Variants in MED27 observed in about 807,000 individuals in gnomAD.
MED27 encodes the protein mediator complex subunit 27.
A neutral mutation model predicts 38.2 loss-of-function variants in MED27; 30 were observed. That is an observed-to-expected ratio of 0.79 (90% CI 0.59 to 1.07). The LOEUF is 1.07. MED27 is among the 50% of genes least tolerant of loss of function. The probability of loss-of-function intolerance (pLI) is 0.00; values close to 1 mark genes in which losing one functional copy is unlikely to be tolerated. For synonymous variants in MED27, 122 were observed against 153.5 expected, an observed-to-expected ratio of 0.79 and a Z score of 1.52; for missense variants, 289 against 397.5, an observed-to-expected ratio of 0.73 and a Z score of 2.32.
intron 2 of MED27, among the ~76,000 whole-genome samples, chr9:132,060,367 T>G (rs768838452): frequency 7.2e-5 from 11 of 152,194 alleles, no homozygotes; most frequent in African/African-American, 1.9e-4. Context: ...GCCAGCTCCA[T>G]GTACACCTGT....
intron 4 of MED27, among the ~76,000 whole-genome samples, chr9:131,904,683 T>A (rs904512524): frequency 2.0e-5 from 3 of 152,152 alleles, no homozygotes; most frequent in Non-Finnish European, 4.4e-5. Context: ...ATGAGGTAGC[T>A]TATTCCACTC....
chr9:131,983,321 C>T (rs1831780414), intron 3 of MED27, among the ~76,000 whole-genome samples: 1 of 152,216 alleles, frequency 6.6e-6, no homozygotes, highest in African/African-American at 2.4e-5. Flanking sequence ...AAGAACACCA[C>T]ACTTTAGAAG....
chr9:132,034,685 C>T (rs955667215), intron 2 of MED27, among the ~76,000 whole-genome samples: 3 of 152,160 alleles, frequency 2.0e-5, no homozygotes, highest in Non-Finnish European at 4.4e-5. Context: ...CAGGGACAGC[C>T]CCTTCCCTGG....
chr9:131,941,174 A>G (rs1830779056), intron 3 of MED27, among the ~76,000 whole-genome samples: 1 of 152,264 alleles, frequency 6.6e-6, no homozygotes, highest in African/African-American at 2.4e-5. Flanking sequence ...AAGAGGATGT[A>G]TAATATAATA....
intron 5 of MED27, among the ~76,000 whole-genome samples, chr9:131,890,924 G>C (rs576542317): frequency 6.6e-6 from 1 of 152,358 alleles, no homozygotes; most frequent in Non-Finnish European, 1.5e-5. Context: ...AGTATTGTTA[G>C]TATTTTTATT....
intron 2 of MED27, among the ~76,000 whole-genome samples, chr9:132,025,140 T>C (rs769076161): frequency 3.2e-4 from 49 of 150,858 alleles, no homozygotes; most frequent in Non-Finnish European, 4.3e-4. Flanking sequence ...ATATTAACAA[T>C]GGGCATGTTT....
At chr9:131,993,207 G>T (rs1449460649) in intron 3 of MED27, among the ~76,000 whole-genome samples, 1 of 150,792 alleles carries the variant, frequency 6.6e-6, no homozygotes, top group African/African-American at 2.4e-5. Context: ...TAACACCATA[G>T]TTTAACATCA....
intron 2 of MED27, among the ~76,000 whole-genome samples, chr9:132,077,151 G>A (rs1834069323): frequency 6.6e-6 from 1 of 152,154 alleles, no homozygotes; most frequent in African/African-American, 2.4e-5. Context: ...ACAACATACT[G>A]CATATAATTT....
chr9:132,057,517 G>A (rs749170057), intron 2 of MED27, among the ~76,000 whole-genome samples: 1 of 152,206 alleles, frequency 6.6e-6, no homozygotes, highest in African/African-American at 2.4e-5. Flanking sequence ...TGCATATGGT[G>A]TTTAAATATT....
chr9:131,915,400 A>T (rs1589209942), intron 4 of MED27, among the ~76,000 whole-genome samples: 1 of 152,364 alleles, frequency 6.6e-6, no homozygotes, highest in Non-Finnish European at 1.5e-5. Flanking sequence ...AGCATGATCA[A>T]TAATGAGTCA....
At position 132,023,784 on chromosome 9, in the gene MED27, T is replaced by C. The variant is rs541677182; in HGVS notation, c.349-9317A>G. On this transcript the variant is annotated intron_variant, in intron 2 of 7. Coordinates refer to ENST00000292035, the MANE Select transcript of MED27 (RefSeq NM_004269.4). Reference sequence around the variant, plus strand: ...TATAATCACTGACTGGAAAAAGATATATGATGATGATGTCAGAAAAACAAA... The same window carrying C: ...TATAATCACTGACTGGAAAAAGATACATGATGATGATGTCAGAAAAACAAA... Among the ~76,000 whole-genome samples the C allele has an allele frequency of 1.5e-3, 223 of 152,160 alleles. 1 individual carries two copies. Among genetic ancestry groups the C allele is most frequent in the African/African-American group, 5.2e-3 (217 of 41,490 alleles).
At chr9:131,885,126 G>A (rs1016401456) in intron 5 of MED27, among the ~76,000 whole-genome samples, 1 of 152,158 alleles carries the variant, frequency 6.6e-6, no homozygotes, top group Non-Finnish European at 1.5e-5. Flanking sequence ...AGGAAAGCTG[G>A]CAGCATCCAG....
At chr9:131,881,800 C>CTTCTTTT (rs1159629751) in intron 6 of MED27, among the ~76,000 whole-genome samples, 4 of 60,962 alleles carry the variant, frequency 6.6e-5, no homozygotes, top group African/African-American at 1.2e-4. Flanking sequence ...TCTTCTTCTT[C>CTTCTTTT]TTTTTTTTTT....
At chr9:131,967,818 ATTT>A (rs144420414) in intron 3 of MED27, among the ~76,000 whole-genome samples, 7 of 112,878 alleles carry the variant, frequency 6.2e-5, no homozygotes, top group Admixed American at 8.9e-5. Context: ...GCCTCTCATG[ATTT>A]TTTTTTTTTT....
chr9:131,930,165 A>AG (rs1417607382), intron 4 of MED27, among the ~76,000 whole-genome samples: 1 of 152,236 alleles, frequency 6.6e-6, no homozygotes, highest in East Asian at 1.9e-4. Flanking sequence ...GAGGAGGTAG[A>AG]GAAAAAAGAC....
At chr9:131,933,248 G>A in intron 4 of MED27, among the ~76,000 whole-genome samples, 1 of 152,048 alleles carries the variant, frequency 6.6e-6, no homozygotes, top group East Asian at 1.9e-4. Context: ...AATACTGGAA[G>A]TCCTAGCTAG....
At chr9:132,052,342 C>G (rs778689579) in intron 2 of MED27, among the ~76,000 whole-genome samples, 61 of 152,184 alleles carry the variant, frequency 4.0e-4, no homozygotes, top group Non-Finnish European at 7.1e-4. Flanking sequence ...GTTAAATCCA[C>G]GCAGTAGTGA....
rs766868482 is a variant in MED27, at chr9:132,014,385, G to A, written c.431C>T (p.Ala144Val). Residue 144 changes from alanine to valine, a missense_variant, in exon 3 of 8, where the codon GCC (alanine) becomes GTC (valine). Coordinates refer to ENST00000292035, the MANE Select transcript of MED27 (RefSeq NM_004269.4). ...GGGCTGAGCCTTTGGTCTACGTTTG[G>A]CAGATACTCCCATCTGATTAGCGGA... is the stretch of plus-strand genomic sequence containing the variant. ...KRSANQMGVS[A>V]KRRPKAQPTT... 1.2e-6 allele frequency: 2 copies of A among 1,613,322 alleles called. No homozygotes were observed. Among genetic ancestry groups the A allele is most frequent in the Admixed American group, 3.3e-5 (2 of 60,022 alleles).
Position 131,997,874 on chromosome 9 carries a change from C to T in MED27, c.479+16463G>A, listed in dbSNP as rs1009753412. ...CGGTGGCTTTCATTATTAACCAGTC[C>T]GATGGTGTTCCTTCCCTCACTGCAG... On this transcript the variant is annotated intron_variant, in intron 3 of 7. Transcript: ENST00000292035. The surrounding 1 kb of genome is among the most constrained non-coding windows in gnomAD (Gnocchi z 4.0). Among the ~76,000 whole-genome samples the T allele has an allele frequency of 1.1e-4, 16 of 152,268 alleles. No individual in the cohort carries two copies. The highest frequency in any genetic ancestry group is 3.9e-4 in the African/African-American group (16 of 41,542).
Sources: allele counts gnomAD v4.1 joint callset (sites outside exome capture counted in the v4.1 genomes callset), GRCh38; gene constraint gnomAD v4.1.1; non-coding constraint Gnocchi (gnomAD v3.1); transcripts MANE v1.5; gene names NCBI Gene and HGNC (gene_info 2026-07-23, HGNC 2026-07-21).